The following SNX29 variants were observed in gnomAD, a reference collection of about 807,000 sequenced individuals.
The protein encoded by SNX29 is sorting nexin-29.
Under a neutral mutation model 102.1 loss-of-function variants are expected in SNX29, and 78 were observed. The observed-to-expected ratio is 0.76, with a 90% CI of 0.64 to 0.92. The LOEUF is 0.92. Among genes scored for constraint, SNX29 ranks in the 40% least tolerant of loss-of-function variants. SNX29 has a pLI of 0.00. For synonymous variants in SNX29, 580 were observed against 414.5 expected (o/e 1.40, Z -4.85); for missense variants, 1,280 against 1,061.7 (o/e 1.21, Z -2.86).
intron 19 of SNX29, among the ~76,000 whole-genome samples, chr16:12,506,384 T>A (rs916607675): frequency 6.6e-6 from 1 of 152,124 alleles, no homozygotes; most frequent in East Asian, 1.9e-4. Flanking sequence ...CCCAACTACT[T>A]GGTCTGGAAA....
At chr16:12,561,472 G>T (rs1423459449) in intron 20 of SNX29, among the ~76,000 whole-genome samples, 2 of 152,114 alleles carry the variant, frequency 1.3e-5, no homozygotes, top group African/African-American at 4.8e-5. Context: ...CTAGTAAGTG[G>T]AGTATTGACC....
intron 13 of SNX29, among the ~76,000 whole-genome samples, chr16:12,189,401 G>A (rs2076588284): frequency 6.6e-6 from 1 of 152,222 alleles, no homozygotes; most frequent in African/African-American, 2.4e-5. Flanking sequence ...TTTTGAAGAT[G>A]ATAGGCCAGT....
rs1056117953 is a variant in SNX29 at position 12,573,285 on chromosome 16, G to A, written c.*4656G>A. ...CTCTGGTATTCCTCACTCTAGCCAT[G>A]AGCCATTGCCATCTTATGGGCCCGA... On this transcript the variant is annotated 3_prime_UTR_variant, in exon 21 of 21. Coordinates refer to ENST00000566228, the MANE Select transcript of SNX29 (RefSeq NM_032167.5). The A allele has an allele frequency of 4.8e-5, 11 of 227,406 alleles. No homozygotes were observed. The highest frequency in any genetic ancestry group is 5.7e-5 in the Admixed American group (1 of 17,556). 14.1% of individuals were successfully genotyped at this position (227,406 alleles called of 1,614,324 possible). A position where few individuals can be genotyped will look rare whatever the true frequency, so the allele number is the denominator to read the frequency against.
chr16:12,078,790 T>C (rs956784415), intron 10 of SNX29, 43 bp from the exon 11 acceptor site: 2 of 1,537,406 alleles, frequency 1.3e-6, no homozygotes, highest in African/African-American at 2.7e-5. Flanking sequence ...GGTGTGTACT[T>C]TCAGTGGCCG....
intron 19 of SNX29, among the ~76,000 whole-genome samples, chr16:12,516,891 G>T (rs1469761059): frequency 6.6e-6 from 1 of 152,174 alleles, no homozygotes; most frequent in Non-Finnish European, 1.5e-5. Context: ...TTGCTTCCAG[G>T]AGCCTCGTTG....
chr16:12,223,709 G>C (rs1238037779), intron 14 of SNX29, among the ~76,000 whole-genome samples: 1 of 152,196 alleles, frequency 6.6e-6, no homozygotes, highest in Non-Finnish European at 1.5e-5. Flanking sequence ...TCTGTTGACT[G>C]TGCTGCTGCT....
chr16:12,142,600 T>C (rs1325323660), intron 13 of SNX29, among the ~76,000 whole-genome samples: 2 of 152,240 alleles, frequency 1.3e-5, no homozygotes, highest in Non-Finnish European at 2.9e-5. Context: ...GTTTTGTTCT[T>C]GTTGCCCAGG....
At chr16:12,053,032 T>A (rs1282044455) in intron 8 of SNX29, 4 of 152,396 alleles carry the variant, frequency 2.6e-5, no homozygotes, top group Non-Finnish European at 4.4e-5. Context: ...GGCTCACACC[T>A]GTAATCCCAG....
intron 13 of SNX29, among the ~76,000 whole-genome samples, chr16:12,145,077 G>A (rs533820849): frequency 2.0e-5 from 3 of 152,096 alleles, no homozygotes; most frequent in Non-Finnish European, 4.4e-5. Flanking sequence ...CCACTGTTCT[G>A]CAACTTGGTT....
At chr16:12,059,658 C>T (rs911321867) in intron 8 of SNX29, among the ~76,000 whole-genome samples, 16 of 152,162 alleles carry the variant, frequency 1.1e-4, no homozygotes, top group South Asian at 2.1e-4. Context: ...ACCAAACCCG[C>T]CCCCAAGCAG....
In SNX29 at chr16:12,498,401, T is replaced by TA. The variant is rs71816642; in HGVS notation, c.2178+20552dup. Among the ~76,000 whole-genome samples, 61 of 150,224 alleles carry TA rather than the reference T, an allele frequency of 4.1e-4. No individual in the cohort carries two copies. The East Asian group carries it at 5.3e-3, about 13-fold the overall frequency. On this transcript the variant is annotated intron_variant, in intron 19 of 20. Transcript: ENST00000566228. Reference sequence around the variant, plus strand: ...TGGTTTTTAAAACTGGTTTGGCATTTAAAAAAAAAATGCTTGCTTGGGAAG... The same window carrying TA: ...TGGTTTTTAAAACTGGTTTGGCATTTAAAAAAAAAAATGCTTGCTTGGGAAG...
intron 3 of SNX29, among the ~76,000 whole-genome samples, chr16:12,013,542 T>TAGAGAGAGAGAGAGAGAG (rs1382498593): frequency 9.2e-6 from 1 of 109,076 alleles, no homozygotes; most frequent in African/African-American, 3.5e-5. Flanking sequence ...TATATATATA[T>TAGAGAGAGAGAGAGAGAG]CGAGAGAGGA....
At chr16:12,271,083 A>G (rs988939989) in intron 14 of SNX29, among the ~76,000 whole-genome samples, 7 of 152,248 alleles carry the variant, frequency 4.6e-5, no homozygotes, top group African/African-American at 1.2e-4. Context: ...AGAAGTAACT[A>G]TGGAATGATT....
chr16:12,540,653 C>T (rs983151033), intron 20 of SNX29, among the ~76,000 whole-genome samples: 3 of 152,206 alleles, frequency 2.0e-5, no homozygotes, highest in Admixed American at 1.3e-4. Context: ...ATCTCAAAAG[C>T]CTGAATGTAA....
intron 16 of SNX29, among the ~76,000 whole-genome samples, chr16:12,383,772 CTTTTT>C (rs58531196): frequency 2.8e-5 from 3 of 105,948 alleles, no homozygotes; most frequent in Admixed American, 9.6e-5. Flanking sequence ...CGTCAACTTT[CTTTTT>C]TTTTTTTTTT....
At chr16:12,064,969 G>A (rs900272474) in intron 9 of SNX29, among the ~76,000 whole-genome samples, 1 of 152,196 alleles carries the variant, frequency 6.6e-6, no homozygotes, top group Non-Finnish European at 1.5e-5. Flanking sequence ...CTTTGAACAC[G>A]CTGGTGCCTT....
At chr16:12,557,007 G>A (rs1243176769) in intron 20 of SNX29, among the ~76,000 whole-genome samples, 1 of 72,808 alleles carries the variant, frequency 1.4e-5, no homozygotes, top group African/African-American at 5.6e-5. Flanking sequence ...ACCACATCTG[G>A]CTAATTTACC....
chr16:12,390,823 C>T (rs116238274), intron 16 of SNX29, among the ~76,000 whole-genome samples: 110 of 151,228 alleles, frequency 7.3e-4, no homozygotes, highest in African/African-American at 2.6e-3. Flanking sequence ...GGCTTATTCT[C>T]GGCCACGCAG....
chr16:12,010,458 C>CA (rs544034548), intron 3 of SNX29, among the ~76,000 whole-genome samples: 3 of 152,084 alleles, frequency 2.0e-5, no homozygotes, highest in Admixed American at 6.6e-5. Flanking sequence ...CCCATGTCTA[C>CA]AAAAAAACCA....
Sources: allele counts gnomAD v4.1 joint callset (sites outside exome capture counted in the v4.1 genomes callset), GRCh38; gene constraint gnomAD v4.1.1; transcripts MANE v1.5; gene names NCBI Gene and HGNC (gene_info 2026-07-23, HGNC 2026-07-21).